LLGL2: variants seen among roughly 807,000 people sequenced by gnomAD.
The protein encoded by LLGL2 is LLGL2, scribble cell polarity complex component.
In LLGL2, 81 loss-of-function variants were observed where a neutral mutation model predicts 123.2. The ratio of observed to expected loss-of-function variants is 0.66; its 90% confidence interval spans 0.55 to 0.79. The LOEUF (loss-of-function observed/expected upper bound fraction) is 0.79. Ranked by LOEUF, LLGL2 falls within the 30% of genes least tolerant of loss-of-function variation. The pLI, the probability that LLGL2 is intolerant of heterozygous loss-of-function variation, is 0.00. For missense variants in LLGL2, 1,273 were observed against 1,414.6 expected, an observed-to-expected ratio of 0.90 and a Z score of 1.61; for synonymous variants, 577 against 594.1, an observed-to-expected ratio of 0.97 and a Z score of 0.42.
At chr17:75,539,113 C>T (rs573323900) in intron 1 of LLGL2, among the ~76,000 whole-genome samples, 2 of 152,200 alleles carry the variant, frequency 1.3e-5, no homozygotes, top group Admixed American at 6.5e-5. Context: ...GGCTAGAGTA[C>T]AGTGGTGGGT....
chr17:75,525,624 G>C (rs2053529789), upstream of LLGL2: 1 of 150,346 alleles, frequency 6.7e-6, no homozygotes, highest in Admixed American at 6.6e-5. The surrounding 1 kb of genome is among the most constrained non-coding windows in gnomAD (Gnocchi z 4.8). Flanking sequence ...TGGGGGGCGG[G>C]CCGGGGGCGG....
chr17:75,553,190 A>C (rs1254121910), intron 2 of LLGL2, among the ~76,000 whole-genome samples: 1 of 152,182 alleles, frequency 6.6e-6, no homozygotes, highest in African/African-American at 2.4e-5. Flanking sequence ...CATTTTTCGC[A>C]TAGCTGAACA....
At chr17:75,561,243 AG>A (rs2055206521) in intron 6 of LLGL2, among the ~76,000 whole-genome samples, 1 of 152,222 alleles carries the variant, frequency 6.6e-6, no homozygotes, top group South Asian at 2.1e-4. Context: ...CTAAAGATAT[AG>A]GATAAGAATG....
In LLGL2 at chr17:75,552,228, C is replaced by T. The variant is rs902688559; in HGVS notation, c.76-3818C>T. 5.9e-5 allele frequency among the ~76,000 whole-genome samples: 9 copies of T among 152,240 alleles called. No homozygotes were observed. In the East Asian group the frequency reaches 1.7e-3, roughly 29 times the overall value. ...GGTCAAGGTGGCTCATACCTGTAAT[C>T]CCAGCACTCTGGCACTCTGGAAGGC... On this transcript the variant is annotated intron_variant, in intron 2 of 25. Coordinates refer to ENST00000392550, the MANE Select transcript of LLGL2 (RefSeq NM_001031803.2).
At chr17:75,567,529 C>T (rs868151585) in intron 10 of LLGL2, among the ~76,000 whole-genome samples, 1 of 152,014 alleles carries the variant, frequency 6.6e-6, no homozygotes, top group South Asian at 2.1e-4. Context: ...ATCCCAGCTA[C>T]TTGGGAAGCT....
rs2055799304 is a variant in LLGL2, at chr17:75,573,083, C to T, written c.2530C>T (p.Arg844Trp). 9 of 1,612,612 alleles carry T rather than the reference C, an allele frequency of 5.6e-6. No individual in the cohort carries two copies. The highest frequency in any genetic ancestry group is 3.3e-4 in the Middle Eastern group (2 of 6,078). ...KLTALEGSRV[R>W]RVSVAHFGSR... ...GACGGCCCTGGAGGGCTCAAGAGTG[C>T]GGCGGGTCAGCGTGGCCCACTTCGG... The change falls in exon 20 of 26, where the codon CGG (arginine) becomes TGG (tryptophan). Residue 844 changes from arginine to tryptophan, a missense_variant. Coordinates refer to ENST00000392550, the MANE Select transcript of LLGL2 (RefSeq NM_001031803.2).
chr17:75,559,406 C>A lies in LLGL2; in HGVS notation c.526C>A (p.Gln176Lys). 1.2e-6 allele frequency: 2 copies of A among 1,605,350 alleles called. No homozygotes were observed. Among genetic ancestry groups the A allele is most frequent in the Non-Finnish European group, 8.5e-7 (1 of 1,176,442 alleles). The change falls in exon 6 of 26, where the codon CAG becomes AAG. Residue 176 changes from glutamine (Q) to lysine (K), a missense_variant. Transcript: ENST00000392550. The surrounding 1 kb of genome is among the most constrained non-coding windows in gnomAD (Gnocchi z 4.6). Reference sequence around the variant, plus strand: ...GACCATCAGCTCGGACGCGGTGCTGCAGCGGTGAGCCCAGAGCCCAGCTGC... The same window carrying A: ...GACCATCAGCTCGGACGCGGTGCTGAAGCGGTGAGCCCAGAGCCCAGCTGC... Reference protein sequence around the residue: ...DRTISSDAVLQRLPEEARHRR... With the variant: ...DRTISSDAVLKRLPEEARHRR...
chr17:75,567,744 C>G (rs896223269), intron 10 of LLGL2, among the ~76,000 whole-genome samples: 1 of 151,968 alleles, frequency 6.6e-6, no homozygotes, highest in South Asian at 2.1e-4. Context: ...GAGTTCAACA[C>G]CAGCCTGAGC....
At chr17:75,571,536 G>A in intron 17 of LLGL2, 131 bp from the exon 18 acceptor site, 1 of 696,106 alleles carries the variant, frequency 1.4e-6, no homozygotes, top group Non-Finnish European at 2.5e-6. Flanking sequence ...CTTCTATGTT[G>A]GGGCCTGTGT....
chr17:75,552,239 G>C (rs2054708672), intron 2 of LLGL2, among the ~76,000 whole-genome samples: 1 of 151,784 alleles, frequency 6.6e-6, no homozygotes, highest in African/African-American at 2.4e-5. Flanking sequence ...CCAGCACTCT[G>C]GCACTCTGGA....
intron 8 of LLGL2, 96 bp downstream of exon 8, chr17:75,563,559 G>A: frequency 6.4e-7 from 1 of 1,556,874 alleles, no homozygotes. Context: ...GGGCCAGAGA[G>A]GGTAAAGGCT....
In LLGL2 at chr17:75,558,197, G is replaced by A. The variant is rs1405714980; in HGVS notation, c.216G>A (p.Glu72=). ...PGVEFMGLHQ[E]NNAVTQIHLL... ...TGGAGTTCATGGGGCTGCACCAGGA[G>A]AACAACGCTGTGACGCAGATCCACC... The change falls in exon 4 of 26, where the codon GAG becomes GAA. Residue 72 remains glutamate (E), a synonymous_variant. Coordinates refer to ENST00000392550, the MANE Select transcript of LLGL2 (RefSeq NM_001031803.2). The surrounding 1 kb of genome is among the most constrained non-coding windows in gnomAD (Gnocchi z 4.0). The A allele has an allele frequency of 1.9e-6, 3 of 1,613,672 alleles. No homozygotes were observed. The highest frequency in any genetic ancestry group is 2.5e-6 in the Non-Finnish European group (3 of 1,179,978).
intron 2 of LLGL2, among the ~76,000 whole-genome samples, chr17:75,548,507 G>A (rs2054529638): frequency 6.6e-6 from 1 of 152,028 alleles, no homozygotes; most frequent in African/African-American, 2.4e-5. Flanking sequence ...CTCAAAGTAT[G>A]CCAAAGAAGT....
chr17:75,566,351 A>T (rs2055442720), intron 10 of LLGL2, among the ~76,000 whole-genome samples: 1 of 152,210 alleles, frequency 6.6e-6, no homozygotes, highest in African/African-American at 2.4e-5. Context: ...GGAGTGGAGC[A>T]AAGACGGGAG....
At chr17:75,566,935 GAT>G (rs1373712408) in intron 10 of LLGL2, among the ~76,000 whole-genome samples, 8 of 152,328 alleles carry the variant, frequency 5.3e-5, no homozygotes, top group African/African-American at 1.9e-4. Context: ...TCCACGCAGA[GAT>G]GTGTGAAGGC....
Position 75,563,805 on chromosome 17 carries a change from G to A in LLGL2, c.880G>A (p.Gly294Arg). Reference protein sequence around the residue: ...TRILWLTTRQGLPFTIFQGGM... With the variant: ...TRILWLTTRQRLPFTIFQGGM... ...AATCCTCTGGCTGACCACTAGGCAG[G>A]GGTAGGTATCCATGCTGGTCCTCTT... Residue 294 changes from glycine to arginine, a missense_variant and splice_region_variant, in exon 9 of 26, where the codon GGG becomes AGG. Physicochemically the swap from Gly to Arg is moderately radical, Grantham distance 125 (BLOSUM62 -2). Transcript: ENST00000392550. 6.2e-7 allele frequency: 1 copy of A among 1,613,920 alleles called. No homozygotes were observed.
At position 75,562,819 on chromosome 17, in the gene LLGL2, C is replaced by A. The variant is rs561650224; in HGVS notation, c.531-197C>A. The A allele has an allele frequency of 4.6e-6, 3 of 652,222 alleles. No individual in the cohort carries two copies. In the South Asian group the frequency reaches 5.8e-5, roughly 13 times the overall value. The allele number at this position is 652,222 out of a possible 1,614,324, so 40.4% of individuals were successfully genotyped here. A position where few individuals can be genotyped will look rare whatever the true frequency, so the allele number is the denominator to read the frequency against. ...TCCTGACCTCAAGTGGCCTGCCCAC[C>A]TTGGGCTCCCAAAGTGCTGGGATTA... On this transcript the variant is annotated intron_variant, in intron 6 of 25. Coordinates refer to ENST00000392550, the MANE Select transcript of LLGL2 (RefSeq NM_001031803.2).
chr17:75,534,399 G>A (rs2053925674), intron 1 of LLGL2, among the ~76,000 whole-genome samples: 1 of 152,270 alleles, frequency 6.6e-6, no homozygotes, highest in African/African-American at 2.4e-5. Flanking sequence ...CTGCGAGCAG[G>A]CAGCCCCTTT....
rs1323435501 is a variant in LLGL2, at chr17:75,525,896, G to T, written c.-31+71G>T. 6.6e-6 allele frequency: 1 copy of T among 151,980 alleles called. No homozygotes were observed. The highest frequency in any genetic ancestry group is 1.5e-5 in the Non-Finnish European group (1 of 67,968). 9.4% of individuals were successfully genotyped at this position (151,980 alleles called of 1,614,324 possible). ...GCTTCCACCTGGGGCGGGGAGGCCA[G>T]GGAGGCCCAGGACCCCTGGGCTGTC... is the stretch of plus-strand genomic sequence containing the variant. On this transcript the variant is annotated intron_variant, in intron 1 of 25. Coordinates refer to ENST00000392550, the MANE Select transcript of LLGL2 (RefSeq NM_001031803.2). The surrounding 1 kb of genome is among the most constrained non-coding windows in gnomAD (Gnocchi z 4.8).
Sources: gnomAD v4.1 joint callset for allele counts (sites outside exome capture counted in the v4.1 genomes callset) on GRCh38, gnomAD v4.1.1 for gene constraint, Gnocchi (gnomAD v3.1) non-coding constraint, MANE v1.5 for transcripts, NCBI Gene and HGNC (gene_info 2026-07-23, HGNC 2026-07-21) for gene names.